CCDC112: variants seen among roughly 807,000 people sequenced by gnomAD.
CCDC112 encodes coiled-coil domain containing 112.
CCDC112 carries 40 observed loss-of-function variants against 66.3 expected under a neutral mutation model. The ratio of observed to expected loss-of-function variants is 0.60; its 90% CI spans 0.47 to 0.79. The LOEUF is 0.79. Ranked by LOEUF, CCDC112 falls within the 30% of genes least tolerant of loss-of-function variation. CCDC112 has a pLI of 0.00. For missense variants in CCDC112, 659 were observed against 603.8 expected, an observed-to-expected ratio of 1.09 and a Z score of -0.96; for synonymous variants, 214 against 197.2, an observed-to-expected ratio of 1.09 and a Z score of -0.71.
intron 3 of CCDC112, among the ~76,000 whole-genome samples, chr5:115,278,670 G>A (rs541607946): frequency 6.6e-6 from 1 of 151,952 alleles, no homozygotes; most frequent in African/African-American, 2.4e-5. Context: ...AAGAAATATT[G>A]AATCAGGGGT....
chr5:115,275,226 C>CT lies in CCDC112; in HGVS notation c.907dup (p.Arg303LysfsTer12), dbSNP rs1749153691. The CT allele has an allele frequency of 6.3e-7, 1 of 1,592,938 alleles. No individual in the cohort carries two copies. On this transcript the variant is annotated frameshift_variant, in exon 6 of 10. Transcript: ENST00000379611. LOFTEE classifies it high-confidence loss of function. ...TATTATAATTATTACCTCTTTTTTTCTTTCTTCTAGAGCCAGAAACTTTTG... is the reference window on the plus strand; with the variant it reads ...TATTATAATTATTACCTCTTTTTTTCTTTTCTTCTAGAGCCAGAAACTTTTG...
intron 1 of CCDC112, among the ~76,000 whole-genome samples, chr5:115,289,619 G>T (rs898697643): frequency 5.3e-5 from 8 of 152,144 alleles, no homozygotes; most frequent in African/African-American, 1.7e-4. Flanking sequence ...TAAATTTGTT[G>T]TAACTTTGTT....
Position 115,271,666 on chromosome 5 carries a change from G to C in CCDC112, c.919-40C>G, listed in dbSNP as rs367638591. On this transcript the variant is annotated intron_variant, in intron 6 of 9. Coordinates refer to ENST00000379611, the MANE Select transcript of CCDC112 (RefSeq NM_001040440.3). ...TAAAAAAAGAAAGCAAGAGAAAAAAGTTTTTTAATAGCCAAAAGTATTTTA... is the reference window on the plus strand; with the variant it reads ...TAAAAAAAGAAAGCAAGAGAAAAAACTTTTTTAATAGCCAAAAGTATTTTA... 15 of 1,341,388 alleles carry C rather than the reference G, an allele frequency of 1.1e-5. No homozygotes were observed. In the African/African-American group the frequency reaches 2.4e-4, roughly 22 times the overall value. The allele number at this position is 1,341,388 out of a possible 1,614,324, so 83.1% of individuals were successfully genotyped here. A position where few individuals can be genotyped will look rare whatever the true frequency, so the allele number is the denominator to read the frequency against.
chr5:115,280,706 C>T (rs1580801905), intron 2 of CCDC112, among the ~76,000 whole-genome samples: 1 of 151,932 alleles, frequency 6.6e-6, no homozygotes. Context: ...GGGCACACAA[C>T]CACCATGCCC....
At chr5:115,291,538 T>C (rs1287289560) in intron 1 of CCDC112, among the ~76,000 whole-genome samples, 1 of 152,182 alleles carries the variant, frequency 6.6e-6, no homozygotes, top group Non-Finnish European at 1.5e-5. Flanking sequence ...TCCTCTATTT[T>C]CTGAAAAACA....
intron 7 of CCDC112, among the ~76,000 whole-genome samples, chr5:115,270,975 T>C (rs1191317366): frequency 1.3e-5 from 2 of 152,162 alleles, no homozygotes; most frequent in East Asian, 3.9e-4. Context: ...CTAAGTACTA[T>C]GTCCATACCT....
chr5:115,286,354 T>C (rs1015694132), intron 1 of CCDC112, among the ~76,000 whole-genome samples: 4 of 152,216 alleles, frequency 2.6e-5, no homozygotes, highest in Non-Finnish European at 5.9e-5. Context: ...GATTCATCCG[T>C]GTTGTACCAT....
In CCDC112 at chr5:115,279,703, T is replaced by G; in HGVS notation, c.305A>C (p.Glu102Ala). 1 of 1,607,336 alleles carries G rather than the reference T, an allele frequency of 6.2e-7. No homozygotes were observed. The highest frequency in any genetic ancestry group is 8.5e-7 in the Non-Finnish European group (1 of 1,174,638). Residue 102 changes from glutamate (E) to alanine (A), a missense_variant, in exon 3 of 10, where the codon GAG becomes GCG. Transcript: ENST00000379611. ...FYNQKSDFRI[E>A]HSMLEELENK... ...TTCCAATTCTTCTAGCATACTATGC[T>G]CAATTCTGAAGTCACTTTTTTGGTT...
rs989892071 is a variant in CCDC112, at chr5:115,275,395, G to T, written c.739C>A (p.Gln247Lys). 6.2e-7 allele frequency: 1 copy of T among 1,613,970 alleles called. No individual in the cohort carries two copies. The highest frequency in any genetic ancestry group is 8.5e-7 in the Non-Finnish European group (1 of 1,179,968). ...EKFLQQTGGR[Q>K]GAWDDYDHQN... Reference sequence around the variant, plus strand: ...TGATCATAATCATCCCAGGCACCTTGTCGCCCTCCTGTTTGCTGAAGGAAT... The same window carrying T: ...TGATCATAATCATCCCAGGCACCTTTTCGCCCTCCTGTTTGCTGAAGGAAT... Residue 247 changes from glutamine to lysine, a missense_variant, in exon 6 of 10, where the codon CAA becomes AAA. Physicochemically the swap from Gln to Lys is moderately conservative, Grantham distance 53. Transcript: ENST00000379611.
rs768869439 is a variant in CCDC112 at position 115,271,243 on chromosome 5, A to G, written c.1302T>C (p.Ala434=). Residue 434 remains alanine (A), a synonymous_variant, in exon 7 of 10, where the codon GCT becomes GCC. Transcript: ENST00000379611. ...KAEKAEKRKN[A]ADEISRFQER... ...CTTGAAATCTGGAAATTTCATCAGC[A>G]GCATTTTTCCTTTTTTCTGCCTTTT... 4.4e-6 allele frequency: 7 copies of G among 1,581,630 alleles called. No individual in the cohort carries two copies. Among genetic ancestry groups the G allele is most frequent in the Non-Finnish European group, 5.1e-6 (6 of 1,172,188 alleles).
rs183744603 is a variant in CCDC112 at position 115,269,354 on chromosome 5, G to A, written c.1428+349C>T. Among the ~76,000 whole-genome samples the A allele has an allele frequency of 4.1e-3, 622 of 152,216 alleles. 4 individuals are homozygous for A. The highest frequency in any genetic ancestry group is 0.02 in the Middle Eastern group (6 of 294). On this transcript the variant is annotated intron_variant, in intron 8 of 9. Transcript: ENST00000379611. ...TAAGTCTTCCGTTTTATCCATGAGG[G>A]TCACCAATATCTTTAGCTCTGAGTA... is the stretch of plus-strand genomic sequence containing the variant.
At chr5:115,282,022 A>ACCCAC in intron 2 of CCDC112, among the ~76,000 whole-genome samples, 1 of 152,314 alleles carries the variant, frequency 6.6e-6, no homozygotes, top group Middle Eastern at 3.4e-3. Context: ...ATACTTACAA[A>ACCCAC]CAAATAATGT....
At position 115,275,270 on chromosome 5, in the gene CCDC112, T is replaced by A; in HGVS notation, c.864A>T (p.Gln288His). 1 of 1,613,820 alleles carries A rather than the reference T, an allele frequency of 6.2e-7. No homozygotes were observed. The highest frequency in any genetic ancestry group is 2.2e-5 in the East Asian group (1 of 44,878). The part of the protein sequence containing the change: ...HLPGKTQDEV[Q>H]QHEKWYQKFL... ...ACTTTTGATACCATTTTTCATGCTG[T>A]TGAACTTCATCTTGTGTTTTTCCAG... The change falls in exon 6 of 10, where the codon CAA (glutamine) becomes CAT (histidine). Residue 288 changes from glutamine to histidine, a missense_variant. Coordinates refer to ENST00000379611, the MANE Select transcript of CCDC112 (RefSeq NM_001040440.3).
At position 115,271,388 on chromosome 5, in the gene CCDC112, T is replaced by A; in HGVS notation, c.1157A>T (p.Lys386Ile). ...CTGGCGCTGGCGTTCTTTCTGATGT[T>A]TTTTCTCTTTCTCTTCTTCTTCTTT... The part of the protein sequence containing the change: ...QLKEEEEKEK[K>I]HQKERQRQFK... Residue 386 changes from lysine to isoleucine, a missense_variant, in exon 7 of 10, where the codon AAA (lysine) becomes ATA (isoleucine). Physicochemically the swap from Lys to Ile is moderately radical, Grantham distance 102 (BLOSUM62 -3). Transcript: ENST00000379611. The A allele has an allele frequency of 1.2e-6, 2 of 1,610,174 alleles. No homozygotes were observed. The highest frequency in any genetic ancestry group is 2.2e-5 in the South Asian group (2 of 89,388).
In CCDC112 at chr5:115,275,625, A is replaced by G; in HGVS notation, c.528-19T>C. ...TTCATATCTAAAATTTTAAAAATAA[A>G]GTTTGAATAAGAAGACAATCCATAT... On this transcript the variant is annotated intron_variant, in intron 5 of 9. Coordinates refer to ENST00000379611, the MANE Select transcript of CCDC112 (RefSeq NM_001040440.3). 3 of 1,485,024 alleles carry G rather than the reference A, an allele frequency of 2.0e-6. No homozygotes were observed. Among genetic ancestry groups the G allele is most frequent in the Non-Finnish European group, 2.7e-6 (3 of 1,095,524 alleles). 92.0% of individuals were successfully genotyped at this position (1,485,024 alleles called of 1,614,324 possible). A position where few individuals can be genotyped will look rare whatever the true frequency, so the allele number is the denominator to read the frequency against.
At chr5:115,291,604 C>T (rs533829871) in intron 1 of CCDC112, among the ~76,000 whole-genome samples, 1 of 152,282 alleles carries the variant, frequency 6.6e-6, no homozygotes, top group East Asian at 1.9e-4. Flanking sequence ...TATATATTTG[C>T]AGTACTCTAT....
intron 5 of CCDC112, 100 bp from the exon 6 acceptor site, chr5:115,275,706 C>A: frequency 1.2e-6 from 1 of 830,646 alleles, no homozygotes; most frequent in Non-Finnish European, 1.8e-6. Context: ...TCATCTTCTC[C>A]ACTTAACATT....
At chr5:115,275,884 T>C in intron 5 of CCDC112, 110 bp downstream of exon 5, 1 of 808,474 alleles carries the variant, frequency 1.2e-6, no homozygotes, top group African/African-American at 1.8e-5. Flanking sequence ...TGCTTTTGTA[T>C]AAGACTCAAA....
intron 1 of CCDC112, among the ~76,000 whole-genome samples, chr5:115,292,947 G>A (rs957847547): frequency 3.9e-5 from 6 of 152,216 alleles, no homozygotes; most frequent in African/African-American, 1.4e-4. Flanking sequence ...GAGCTTCTTA[G>A]GTCTTTCCTG....
Sources: allele counts gnomAD v4.1 joint callset (sites outside exome capture counted in the v4.1 genomes callset), GRCh38; gene constraint gnomAD v4.1.1; transcripts MANE v1.5; gene names NCBI Gene and HGNC (gene_info 2026-07-23, HGNC 2026-07-21).